Variants in NAGS observed in about 807,000 individuals in gnomAD.
NAGS encodes the protein N-acetylglutamate synthase, also known as N-acetylglutamate synthase, mitochondrial.
In NAGS, 34 loss-of-function variants were observed where a neutral mutation model predicts 46.9. The ratio of observed to expected loss-of-function variants is 0.72; its 90% confidence interval spans 0.55 to 0.97. The LOEUF (loss-of-function observed/expected upper bound fraction) is 0.97, where lower values mean the gene tolerates loss of function less well. Among genes scored for constraint, NAGS ranks in the 50% least tolerant of loss-of-function variants. NAGS has a pLI of 0.00. For missense variants in NAGS, 665 were observed against 747.0 expected (o/e 0.89, Z 1.28); for synonymous variants, 334 against 346.3 (o/e 0.96, Z 0.39).
At position 44,004,909 on chromosome 17, in the gene NAGS, G is replaced by T; in HGVS notation, c.246G>T (p.Pro82=). The change falls in exon 1 of 7, where the codon CCG becomes CCT. Residue 82 remains proline, a synonymous_variant. Coordinates refer to ENST00000293404, the MANE Select transcript of NAGS (RefSeq NM_153006.3). ...SPVAEEPSWV[P]SPRPPVPHES... is the part of the protein sequence containing the mutation. ...TCGCCGAGGAGCCGTCGTGGGTGCCGAGTCCCAGGCCCCCGGTGCCCCACG... is the reference window on the plus strand; with the variant it reads ...TCGCCGAGGAGCCGTCGTGGGTGCCTAGTCCCAGGCCCCCGGTGCCCCACG... 2 of 1,534,510 alleles carry T rather than the reference G, an allele frequency of 1.3e-6. No homozygotes were observed. The highest frequency in any genetic ancestry group is 1.7e-6 in the Non-Finnish European group (2 of 1,146,298).
rs1003388923 is a variant in NAGS at position 44,006,852 on chromosome 17, C to T, written c.1096+143C>T. On this transcript the variant is annotated intron_variant, in intron 4 of 6. Coordinates refer to ENST00000293404, the MANE Select transcript of NAGS (RefSeq NM_153006.3). This position sits in a 1 kb window ranked among gnomAD's most constrained non-coding sequence, Gnocchi z 4.8. ...GGGGGTGTCACAGCAATGGCTCCTG[C>T]TGCTGCCGAAACCCGGGGGAGGTGA... is the stretch of plus-strand genomic sequence containing the variant. 1 of 858,464 alleles carries T rather than the reference C, an allele frequency of 1.2e-6. No homozygotes were observed. The allele number at this position is 858,464 out of a possible 1,614,324, so 53.2% of individuals were successfully genotyped here.
In NAGS at chr17:44,005,006, G is replaced by A; in HGVS notation, c.343G>A (p.Ala115Thr). The change falls in exon 1 of 7, where the codon GCC (alanine) becomes ACC (threonine). Residue 115 changes from alanine to threonine, a missense_variant. Ala to Thr is a moderately conservative substitution (Grantham distance 58). Coordinates refer to ENST00000293404, the MANE Select transcript of NAGS (RefSeq NM_153006.3). This position sits in a 1 kb window ranked among gnomAD's most constrained non-coding sequence, Gnocchi z 7.2. The part of the protein sequence containing the change: ...DIQAFLNQCG[A>T]SPGEARHWLT... ...CCAGGCCTTCCTGAACCAGTGCGGG[G>A]CCAGCCCTGGGGAGGCGCGCCACTG... The A allele has an allele frequency of 6.4e-7, 1 of 1,554,514 alleles. No homozygotes were observed. Among genetic ancestry groups the A allele is most frequent in the Non-Finnish European group, 8.7e-7 (1 of 1,155,852 alleles).
At position 44,008,728 on chromosome 17, in the gene NAGS, A is replaced by C; in HGVS notation, c.*127A>C. On this transcript the variant is annotated 3_prime_UTR_variant, in exon 7 of 7. Transcript: ENST00000293404. ...TTGTTGGCTGAGTGATCTGCAGAGG[A>C]GAAAGCAGCCCCAGCTCTGCCCAGA... is the stretch of plus-strand genomic sequence containing the variant. The C allele has an allele frequency of 7.7e-7, 1 of 1,294,578 alleles. No individual in the cohort carries two copies. Among genetic ancestry groups the C allele is most frequent in the Non-Finnish European group, 1.1e-6 (1 of 902,908 alleles). 80.2% of individuals were successfully genotyped at this position (1,294,578 alleles called of 1,614,324 possible).
rs1378315335 is a variant in NAGS, at chr17:44,006,297, T to A, written c.915+60T>A. 1 of 1,576,214 alleles carries A rather than the reference T, an allele frequency of 6.3e-7. No homozygotes were observed. The highest frequency in any genetic ancestry group is 8.6e-7 in the Non-Finnish European group (1 of 1,157,728). On this transcript the variant is annotated intron_variant, in intron 3 of 6. Coordinates refer to ENST00000293404, the MANE Select transcript of NAGS (RefSeq NM_153006.3). The surrounding 1 kb of genome is among the most constrained non-coding windows in gnomAD (Gnocchi z 4.8). ...CGATCCGGGCCTTCTCTTGCGCCCC[T>A]CGCACTTCTCCCCGACGGGCCGCAG...
chr17:44,005,232 G>A lies in NAGS; in HGVS notation c.426+143G>A, dbSNP rs1723446929. ...CGGCAGGGCCCAGACCAGCGCCGCC[G>A]GGAATGGGAGAGGCCGTAAGCTCCT... On this transcript the variant is annotated intron_variant, in intron 1 of 6. Coordinates refer to ENST00000293404, the MANE Select transcript of NAGS (RefSeq NM_153006.3). The surrounding 1 kb of genome is among the most constrained non-coding windows in gnomAD (Gnocchi z 7.2). 15 of 1,425,824 alleles carry A rather than the reference G, an allele frequency of 1.1e-5. No individual in the cohort carries two copies. The highest frequency in any genetic ancestry group is 2.8e-5 in the Admixed American group (1 of 35,876). 88.3% of individuals were successfully genotyped at this position (1,425,824 alleles called of 1,614,324 possible). A position where few individuals can be genotyped will look rare whatever the true frequency, so the allele number is the denominator to read the frequency against.
chr17:44,005,200 A>G lies in NAGS; in HGVS notation c.426+111A>G. ...CGGGCTCTGCGCAGCGGAAGCGGGA[A>G]GGAGCCCGGCAGGGCCCAGACCAGC... On this transcript the variant is annotated intron_variant, in intron 1 of 6. Coordinates refer to ENST00000293404, the MANE Select transcript of NAGS (RefSeq NM_153006.3). This position sits in a 1 kb window ranked among gnomAD's most constrained non-coding sequence, Gnocchi z 7.2. 2 of 1,457,982 alleles carry G rather than the reference A, an allele frequency of 1.4e-6. No individual in the cohort carries two copies. Among genetic ancestry groups the G allele is most frequent in the Middle Eastern group, 2.3e-4 (1 of 4,360 alleles). 90.3% of individuals were successfully genotyped at this position (1,457,982 alleles called of 1,614,324 possible).
chr17:44,006,564 C>T lies in NAGS; in HGVS notation c.951C>T (p.Asp317=), dbSNP rs2143986927. 1 of 1,573,400 alleles carries T rather than the reference C, an allele frequency of 6.4e-7. No individual in the cohort carries two copies. Among genetic ancestry groups the T allele is most frequent in the Non-Finnish European group, 8.6e-7 (1 of 1,158,632 alleles). The change falls in exon 4 of 7, where the codon GAC becomes GAT. Residue 317 remains aspartate (D), a synonymous_variant. Transcript: ENST00000293404. This position sits in a 1 kb window ranked among gnomAD's most constrained non-coding sequence, Gnocchi z 4.8. ...ACGTGAACCTGCCCGCCGACCTGGA[C>T]CTGGTGTGCAACGCCGAGTGGGTGA... is the stretch of plus-strand genomic sequence containing the variant. ...LSNVNLPADL[D]LVCNAEWVST... is the part of the protein sequence containing the mutation.
chr17:44,006,111 G>C lies in NAGS; in HGVS notation c.789G>C (p.Glu263Asp). ...GSIPILCPIG[E>D]TAARRSVLLD... Reference sequence around the variant, plus strand: ...TCCCCATCCTGTGCCCCATCGGGGAGACGGCCGCGCGCCGCTCCGTGCTTC... The same window carrying C: ...TCCCCATCCTGTGCCCCATCGGGGACACGGCCGCGCGCCGCTCCGTGCTTC... The change falls in exon 3 of 7, where the codon GAG becomes GAC. Residue 263 changes from glutamate (E) to aspartate (D), a missense_variant. By Grantham distance (45) the Glu-to-Asp change is conservative (BLOSUM62 2). Transcript: ENST00000293404. This position sits in a 1 kb window ranked among gnomAD's most constrained non-coding sequence, Gnocchi z 4.8. 6.2e-7 allele frequency: 1 copy of C among 1,613,030 alleles called. No homozygotes were observed. Among genetic ancestry groups the C allele is most frequent in the Non-Finnish European group, 8.5e-7 (1 of 1,179,870 alleles).
At position 44,008,680 on chromosome 17, in the gene NAGS, G is replaced by A; in HGVS notation, c.*79G>A. The A allele has an allele frequency of 6.3e-7, 1 of 1,586,070 alleles. No homozygotes were observed. The highest frequency in any genetic ancestry group is 1.3e-5 in the African/African-American group (1 of 74,548). The stretch of plus-strand genomic sequence containing the variant: ...TGCCAGCTGGGCATGACCCCAGGCA[G>A]CCAGCCACAGGCTGAAGGGGGCTTG... On this transcript the variant is annotated 3_prime_UTR_variant, in exon 7 of 7. Transcript: ENST00000293404.
rs1375730503 is a variant in NAGS at position 44,007,488 on chromosome 17, C to G, written c.1262C>G (p.Ser421Cys). 2 of 1,613,612 alleles carry G rather than the reference C, an allele frequency of 1.2e-6. No individual in the cohort carries two copies. Among genetic ancestry groups the G allele is most frequent in the East Asian group, 4.5e-5 (2 of 44,870 alleles). ...LRPRLHSIYV[S>C]EGYNAAAILT... ...CCGCGGCTGCACTCCATCTACGTCT[C>G]CGAGGGGTAAGCCTGCGGACCCCAG... is the stretch of plus-strand genomic sequence containing the variant. The change falls in exon 5 of 7, where the codon TCC becomes TGC. Residue 421 changes from serine to cysteine, a missense_variant. Physicochemically the swap from Ser to Cys is moderately radical, Grantham distance 112. Coordinates refer to ENST00000293404, the MANE Select transcript of NAGS (RefSeq NM_153006.3). The surrounding 1 kb of genome is among the most constrained non-coding windows in gnomAD (Gnocchi z 5.1).
chr17:44,008,477 CCAACAAG>C lies in NAGS; in HGVS notation c.1484_1490del (p.Asn495SerfsTer70). The C allele has an allele frequency of 6.2e-7, 1 of 1,614,260 alleles. No homozygotes were observed. Among genetic ancestry groups the C allele is most frequent in the Non-Finnish European group, 8.5e-7 (1 of 1,180,048 alleles). On this transcript the variant is annotated frameshift_variant, in exon 7 of 7. Coordinates refer to ENST00000293404, the MANE Select transcript of NAGS (RefSeq NM_153006.3). LOFTEE classifies it high-confidence loss of function. ...TTCAAACACAGTGATGGCAGCTTCT[CCAACAAG>C]CAGTGGATCTTCTTCTGGTTTGGCC...
At position 44,005,754 on chromosome 17, in the gene NAGS, G is replaced by C. The variant is rs756269139; in HGVS notation, c.544G>C (p.Ala182Pro). Residue 182 changes from alanine (A) to proline (P), a missense_variant, in exon 2 of 7, where the codon GCT becomes CCT. Ala to Pro is a conservative substitution (Grantham distance 27). Coordinates refer to ENST00000293404, the MANE Select transcript of NAGS (RefSeq NM_153006.3). This position sits in a 1 kb window ranked among gnomAD's most constrained non-coding sequence, Gnocchi z 7.2. Reference protein sequence around the residue: ...LVVLGLPAPTAPSGCLSFWEA... With the variant: ...LVVLGLPAPTPPSGCLSFWEA... ...GGTCCTGGGGCTGCCGGCCCCTACG[G>C]CTCCCTCGGGCTGTCTTTCCTTCTG... The C allele has an allele frequency of 1.9e-6, 3 of 1,590,118 alleles. No homozygotes were observed. The highest frequency in any genetic ancestry group is 2.6e-6 in the Non-Finnish European group (3 of 1,169,112).
chr17:44,006,916 A>C lies in NAGS; in HGVS notation c.1096+207A>C. On this transcript the variant is annotated intron_variant, in intron 4 of 6. Transcript: ENST00000293404. This position sits in a 1 kb window ranked among gnomAD's most constrained non-coding sequence, Gnocchi z 4.8. ...CCAGTGTACTGGAAGGGAACTCCGA[A>C]GGAATTAAAGGAATGGGCGGGACTA... The C allele has an allele frequency of 4.5e-6, 2 of 447,946 alleles. No homozygotes were observed. 27.7% of individuals were successfully genotyped at this position (447,946 alleles called of 1,614,324 possible).
chr17:44,006,825 CG>C lies in NAGS; in HGVS notation c.1096+122del. On this transcript the variant is annotated intron_variant, in intron 4 of 6. Transcript: ENST00000293404. The surrounding 1 kb of genome is among the most constrained non-coding windows in gnomAD (Gnocchi z 4.8). ...CCTGTCCAGGAGCCGTAGGGGGAGG[CG>C]GGGGGTGTCACAGCAATGGCTCCTG... The C allele has an allele frequency of 1.2e-5, 14 of 1,138,236 alleles. No individual in the cohort carries two copies. Among genetic ancestry groups the C allele is most frequent in the Admixed American group, 2.7e-5 (1 of 37,036 alleles). The allele number at this position is 1,138,236 out of a possible 1,614,324, so 70.5% of individuals were successfully genotyped here. A position where few individuals can be genotyped will look rare whatever the true frequency, so the allele number is the denominator to read the frequency against.
Position 44,006,540 on chromosome 17 carries a change from C to G in NAGS, c.927C>G (p.Asn309Lys), listed in dbSNP as rs551054997. Residue 309 changes from asparagine (N) to lysine (K), a missense_variant, in exon 4 of 7, where the codon AAC becomes AAG. Coordinates refer to ENST00000293404, the MANE Select transcript of NAGS (RefSeq NM_153006.3). This position sits in a 1 kb window ranked among gnomAD's most constrained non-coding sequence, Gnocchi z 4.8. ...LRDSSHKVLSNVNLPADLDLV... is the reference protein window; with the variant it reads ...LRDSSHKVLSKVNLPADLDLV... The stretch of plus-strand genomic sequence containing the variant: ...GACTCCGGACACAGGTCCTGAGTAA[C>G]GTGAACCTGCCCGCCGACCTGGACC... The G allele has an allele frequency of 6.4e-7, 1 of 1,555,632 alleles. No homozygotes were observed. Among genetic ancestry groups the G allele is most frequent in the South Asian group, 1.2e-5 (1 of 84,766 alleles).
Position 44,006,241 on chromosome 17 carries a change from C to A in NAGS, c.915+4C>A. 1.2e-5 allele frequency: 19 copies of A among 1,612,928 alleles called. No individual in the cohort carries two copies. The highest frequency in any genetic ancestry group is 1.6e-5 in the Non-Finnish European group (19 of 1,179,902). ...CCTGCGCGACAGCAGTCATAAGGTGCGGCCCTTTCTTTCACCTTCCCCCAC... is the reference window on the plus strand; with the variant it reads ...CCTGCGCGACAGCAGTCATAAGGTGAGGCCCTTTCTTTCACCTTCCCCCAC... On this transcript the variant is annotated splice_donor_region_variant and intron_variant, in intron 3 of 6. Transcript: ENST00000293404. The surrounding 1 kb of genome is among the most constrained non-coding windows in gnomAD (Gnocchi z 4.8).
chr17:44,008,335 G>A, intron 6 of NAGS, 113 bp from the exon 7 acceptor site: 2 of 1,275,974 alleles, frequency 1.6e-6, no homozygotes, highest in South Asian at 2.4e-5. Flanking sequence ...ACCAAGCTGG[G>A]TGCCCAGCAT....
In NAGS at chr17:44,007,518, C is replaced by G; in HGVS notation, c.1268+24C>G. 1 of 1,613,512 alleles carries G rather than the reference C, an allele frequency of 6.2e-7. No homozygotes were observed. Among genetic ancestry groups the G allele is most frequent in the Middle Eastern group, 1.7e-4 (1 of 6,058 alleles). On this transcript the variant is annotated intron_variant, in intron 5 of 6. Transcript: ENST00000293404. The surrounding 1 kb of genome is among the most constrained non-coding windows in gnomAD (Gnocchi z 5.1). ...GGGTAAGCCTGCGGACCCCAGAGGG[C>G]GGGGTCTGGGGGGCAGTCGGGCAGC...
chr17:44,004,774 G>A lies in NAGS; in HGVS notation c.111G>A (p.Arg37=). Reference sequence around the variant, plus strand: ...GAAGGCTGAGCTGTGGCGCGCGGCGGCGGGCGGCGAGGGGCACCAGCCCGG... The same window carrying A: ...GAAGGCTGAGCTGTGGCGCGCGGCGACGGGCGGCGAGGGGCACCAGCCCGG... ...GARRLSCGAR[R]RAARGTSPGR... The change falls in exon 1 of 7, where the codon CGG becomes CGA. Residue 37 remains arginine, a synonymous_variant. Transcript: ENST00000293404. 1 of 1,378,768 alleles carries A rather than the reference G, an allele frequency of 7.3e-7. No individual in the cohort carries two copies. The highest frequency in any genetic ancestry group is 1.9e-5 in the South Asian group (1 of 53,750). The allele number at this position is 1,378,768 out of a possible 1,614,324, so 85.4% of individuals were successfully genotyped here.
Sources: gnomAD v4.1 joint callset for allele counts on GRCh38, gnomAD v4.1.1 for gene constraint, Gnocchi (gnomAD v3.1) non-coding constraint, MANE v1.5 for transcripts, NCBI Gene and HGNC (gene_info 2026-07-23, HGNC 2026-07-21) for gene names.